The following ITPR1 variants were observed in gnomAD, a reference collection of about 807,000 sequenced individuals.
The protein encoded by ITPR1 is inositol 1,4,5-trisphosphate receptor type 1.
Under a neutral mutation model 318.4 loss-of-function variants are expected in ITPR1, and 96 were observed. That is an observed-to-expected ratio of 0.30 (90% confidence interval 0.26 to 0.36). The LOEUF is 0.36. Among genes scored for constraint, ITPR1 ranks in the 10% least tolerant of loss-of-function variants. The pLI is 1.00. For synonymous variants in ITPR1, 1,312 were observed against 1,289.9 expected (o/e 1.02, Z -0.37); for missense variants, 2,440 against 3,460.2 (o/e 0.71, Z 7.40).
At chr3:4,800,369 C>G (rs1204770461) in intron 53 of ITPR1, 56 bp from the exon 54 acceptor site, 6 of 1,561,356 alleles carry the variant, frequency 3.8e-6, no homozygotes, top group South Asian at 1.1e-5. Flanking sequence ...TTAGGTCTGT[C>G]CCCTGTACTC....
At chr3:4,793,698 G>A (rs1366230395) in intron 52 of ITPR1, among the ~76,000 whole-genome samples, 2 of 152,082 alleles carry the variant, frequency 1.3e-5, no homozygotes, top group Admixed American at 6.6e-5. Flanking sequence ...TATCCCTGCC[G>A]CTGACCCCAG....
chr3:4,550,273 GC>G (rs1260134551), intron 4 of ITPR1, among the ~76,000 whole-genome samples: 3 of 152,140 alleles, frequency 2.0e-5, no homozygotes, highest in Admixed American at 2.0e-4. Flanking sequence ...GCCACAGCAA[GC>G]TTCCCCATCT....
In ITPR1 at chr3:4,766,344, T is replaced by C. The variant is rs183607033; in HGVS notation, c.5545-186T>C. ...GCAATTTGTTTCAAAGGCTCTGTGT[T>C]GAAAACCCCAGGCCTTAGAACCCAG... On this transcript the variant is annotated intron_variant, in intron 44 of 61. Transcript: ENST00000649015. Among the ~76,000 whole-genome samples, 122 of 152,328 alleles carry C rather than the reference T, an allele frequency of 8.0e-4. 1 individual carries two copies. Among genetic ancestry groups the C allele is most frequent in the African/African-American group, 2.7e-3 (113 of 41,566 alleles).
intron 35 of ITPR1, among the ~76,000 whole-genome samples, chr3:4,700,809 G>A (rs1255728327): frequency 1.3e-5 from 2 of 152,152 alleles, no homozygotes; most frequent in African/African-American, 4.8e-5. Flanking sequence ...CATGTGGCTG[G>A]GGAGGCCTCA....
chr3:4,650,828 G>A (rs965470722), intron 10 of ITPR1, among the ~76,000 whole-genome samples: 3 of 152,106 alleles, frequency 2.0e-5, no homozygotes, highest in Non-Finnish European at 2.9e-5. Context: ...CAGGTCCTGC[G>A]TTCATGGGTC....
Position 4,795,072 on chromosome 3 carries a change from C to G in ITPR1, c.6816C>G (p.Pro2272=), listed in dbSNP as rs139021152. ...TTGCCTTTGTCTCTGCAGCCCAGCC[C>G]GTGTTGTACTGGTGTGCCCGCAACA... is the stretch of plus-strand genomic sequence containing the variant. The part of the protein sequence containing the change: ...MNWQKKLRAQ[P]VLYWCARNMS... The change falls in exon 53 of 62, where the codon CCC becomes CCG. Residue 2272 remains proline (P), a synonymous_variant. Coordinates refer to ENST00000649015, the MANE Select transcript of ITPR1 (RefSeq NM_001378452.1). 2 of 1,609,624 alleles carry G rather than the reference C, an allele frequency of 1.2e-6. No individual in the cohort carries two copies. The highest frequency in any genetic ancestry group is 1.7e-6 in the Non-Finnish European group (2 of 1,177,380).
At chr3:4,776,907 G>A (rs1167446562) in intron 47 of ITPR1, among the ~76,000 whole-genome samples, 1 of 152,192 alleles carries the variant, frequency 6.6e-6, no homozygotes, top group Non-Finnish European at 1.5e-5. Context: ...GAGTGCTTTA[G>A]AGAGAATGGA....
At chr3:4,595,685 C>G (rs2090753350) in intron 4 of ITPR1, among the ~76,000 whole-genome samples, 1 of 148,084 alleles carries the variant, frequency 6.8e-6, no homozygotes, top group Admixed American at 6.8e-5. Context: ...ACAGCAAGGC[C>G]AAGAGTAGGA....
At chr3:4,713,712 A>C (rs566212566) in intron 39 of ITPR1, among the ~76,000 whole-genome samples, 1 of 152,204 alleles carries the variant, frequency 6.6e-6, no homozygotes, top group Non-Finnish European at 1.5e-5. Flanking sequence ...GGAAAGAGTA[A>C]ATTATATCAC....
intron 53 of ITPR1, among the ~76,000 whole-genome samples, chr3:4,798,997 T>A (rs6775847): frequency 0.015 from 2,265 of 152,324 alleles, 59 homozygotes; most frequent in African/African-American, 0.052. Flanking sequence ...ATGTTCTGTA[T>A]CTTGACTGTG....
At chr3:4,810,514 C>T (rs1353910953) in intron 55 of ITPR1, among the ~76,000 whole-genome samples, 1 of 152,196 alleles carries the variant, frequency 6.6e-6, no homozygotes, top group African/African-American at 2.4e-5. Flanking sequence ...AGGGGTCTTA[C>T]CCTCGCAATG....
rs377089995 is a variant in ITPR1, at chr3:4,831,092, G to A, written c.8029-5682G>A. On this transcript the variant is annotated intron_variant, in intron 60 of 61. Transcript: ENST00000649015. ...ATCATACAATCCAACTTCCTCCTCCGTCTGTCTGTCTTTGTCTCTCTCTCT... is the reference window on the plus strand; with the variant it reads ...ATCATACAATCCAACTTCCTCCTCCATCTGTCTGTCTTTGTCTCTCTCTCT... 533 of 430,004 alleles carry A rather than the reference G, an allele frequency of 1.2e-3. 5 individuals are homozygous for A. The highest frequency in any genetic ancestry group is 7.0e-3 in the South Asian group (435 of 62,430). 26.6% of individuals were successfully genotyped at this position (430,004 alleles called of 1,614,324 possible). A position where few individuals can be genotyped will look rare whatever the true frequency, so the allele number is the denominator to read the frequency against.
chr3:4,597,983 C>A lies in ITPR1; in HGVS notation c.164-29780C>A, dbSNP rs951590307. On this transcript the variant is annotated intron_variant, in intron 4 of 61. Coordinates refer to ENST00000649015, the MANE Select transcript of ITPR1 (RefSeq NM_001378452.1). ...GATTCAGAGAGCTAGGTTGATAAAC[C>A]ATCCTTCAGCTTTCCTGCGGTGTGA... Among the ~76,000 whole-genome samples, 6 of 152,174 alleles carry A rather than the reference C, an allele frequency of 3.9e-5. No individual in the cohort carries two copies. The East Asian group carries it at 1.2e-3, about 29-fold the overall frequency.
chr3:4,842,657 G>T (rs941273974), intron 61 of ITPR1, among the ~76,000 whole-genome samples: 1 of 152,050 alleles, frequency 6.6e-6, no homozygotes, highest in Non-Finnish European at 1.5e-5. Context: ...ATGCCCAGCC[G>T]TTTTGAGGAT....
chr3:4,577,515 C>T (rs889813109), intron 4 of ITPR1, among the ~76,000 whole-genome samples: 7 of 152,128 alleles, frequency 4.6e-5, no homozygotes, highest in African/African-American at 1.2e-4. Context: ...CACTGAAGAT[C>T]TCCTAAATTG....
chr3:4,648,283 C>T (rs2093511515), intron 10 of ITPR1, among the ~76,000 whole-genome samples: 1 of 152,188 alleles, frequency 6.6e-6, no homozygotes, highest in Non-Finnish European at 1.5e-5. Context: ...TTCCTCCTCT[C>T]TACATGCATT....
chr3:4,799,291 G>A (rs1449981688), intron 53 of ITPR1, among the ~76,000 whole-genome samples: 2 of 152,224 alleles, frequency 1.3e-5, no homozygotes, highest in African/African-American at 4.8e-5. Context: ...CGGCACATGT[G>A]CCTCAATGTG....
At chr3:4,718,504 A>G (rs1381061950) in intron 40 of ITPR1, among the ~76,000 whole-genome samples, 2 of 152,224 alleles carry the variant, frequency 1.3e-5, no homozygotes. Flanking sequence ...AGAAAGCAGC[A>G]TGAGTGCTTA....
intron 61 of ITPR1, 114 bp from the exon 62 acceptor site, chr3:4,846,025 T>C (rs2051751323): frequency 5.2e-6 from 3 of 580,474 alleles, no homozygotes; most frequent in Non-Finnish European, 9.1e-6. Flanking sequence ...ACACTATTTG[T>C]AGAAAGTGGG....
Sources: gnomAD v4.1 joint callset for allele counts (sites outside exome capture counted in the v4.1 genomes callset) on GRCh38, gnomAD v4.1.1 for gene constraint, MANE v1.5 for transcripts, NCBI Gene and HGNC (gene_info 2026-07-23, HGNC 2026-07-21) for gene names.